The following SLCO3A1 variants were observed in gnomAD, a reference collection of about 807,000 sequenced individuals.
SLCO3A1 encodes the protein solute carrier organic anion transporter family member 3A1, also known as PGE1 transporter.
SLCO3A1 carries 27 observed loss-of-function variants against 63.1 expected under a neutral mutation model. The observed-to-expected ratio is 0.43, with a 90% CI of 0.32 to 0.59. The LOEUF (loss-of-function observed/expected upper bound fraction) is 0.59, where lower values mean the gene tolerates loss of function less well. Ranked by LOEUF, SLCO3A1 falls within the 20% of genes least tolerant of loss-of-function variation. The pLI is 0.09. For synonymous variants in SLCO3A1, 473 were observed against 409.9 expected (o/e 1.15, Z -1.86); for missense variants, 773 against 945.8 (o/e 0.82, Z 2.40).
chr15:91,883,450 T>C lies in SLCO3A1; in HGVS notation c.180+29362T>C, dbSNP rs1360680184. ...CTGACTGGTTCTCTTGCTCTGAGGC[T>C]GGGGCTCCCCGGAGGGATGTACCTC... is the stretch of plus-strand genomic sequence containing the variant. On this transcript the variant is annotated intron_variant, in intron 1 of 9. Coordinates refer to ENST00000318445, the MANE Select transcript of SLCO3A1 (RefSeq NM_013272.4). This position sits in a 1 kb window ranked among gnomAD's most constrained non-coding sequence, Gnocchi z 4.8. Among the ~76,000 whole-genome samples, 1 of 152,202 alleles carries C rather than the reference T, an allele frequency of 6.6e-6. No individual in the cohort carries two copies. The highest frequency in any genetic ancestry group is 1.5e-5 in the Non-Finnish European group (1 of 68,022).
intron 2 of SLCO3A1, among the ~76,000 whole-genome samples, chr15:92,009,897 A>G (rs1390710578): frequency 2.0e-5 from 3 of 152,168 alleles, no homozygotes; most frequent in Non-Finnish European, 2.9e-5. Context: ...CATTCATCCA[A>G]TAGAGGCATT....
At chr15:92,010,816 T>C (rs2046360822) in intron 2 of SLCO3A1, among the ~76,000 whole-genome samples, 1 of 152,106 alleles carries the variant, frequency 6.6e-6, no homozygotes, top group Non-Finnish European at 1.5e-5. Context: ...GCCCTGATTG[T>C]TTTCACAACT....
intron 1 of SLCO3A1, among the ~76,000 whole-genome samples, chr15:91,906,040 A>G (rs560703513): frequency 2.5e-4 from 38 of 152,322 alleles, no homozygotes; most frequent in Admixed American, 2.1e-3. Flanking sequence ...GCTGCGTGGC[A>G]TCAATGGGAT....
In SLCO3A1 at chr15:91,856,876, G is replaced by C. The variant is rs1896932686; in HGVS notation, c.180+2788G>C. Among the ~76,000 whole-genome samples, 1 of 152,036 alleles carries C rather than the reference G, an allele frequency of 6.6e-6. No homozygotes were observed. The highest frequency in any genetic ancestry group is 2.1e-4 in the South Asian group (1 of 4,808). Reference sequence around the variant, plus strand: ...TCCACCTTCTTATTTCATCTCCCCAGGTGCCTTAAAATATTGCAGTTTCAT... The same window carrying C: ...TCCACCTTCTTATTTCATCTCCCCACGTGCCTTAAAATATTGCAGTTTCAT... On this transcript the variant is annotated intron_variant, in intron 1 of 9. Transcript: ENST00000318445. This position sits in a 1 kb window ranked among gnomAD's most constrained non-coding sequence, Gnocchi z 4.9.
downstream of SLCO3A1, among the ~76,000 whole-genome samples, chr15:92,169,761 A>C (rs1232069707): frequency 6.6e-6 from 1 of 152,124 alleles, no homozygotes; most frequent in Non-Finnish European, 1.5e-5. Context: ...AAACACACCG[A>C]AGCTGGTCCC....
rs113777499 is a variant in SLCO3A1, at chr15:92,088,033, G to A, written c.647-6848G>A. Among the ~76,000 whole-genome samples, 529 of 152,288 alleles carry A rather than the reference G, an allele frequency of 3.5e-3. 4 individuals are homozygous for A. Among genetic ancestry groups the A allele is most frequent in the African/African-American group, 0.012 (506 of 41,552 alleles). On this transcript the variant is annotated intron_variant, in intron 2 of 9. Transcript: ENST00000318445. ...GTCCACAGCACAGACAGAGACATCT[G>A]CAGAGGGACTTGGGGAAAGAGCACT...
chr15:91,969,302 T>C (rs545901891), intron 2 of SLCO3A1, among the ~76,000 whole-genome samples: 1 of 146,538 alleles, frequency 6.8e-6, no homozygotes, highest in East Asian at 2.0e-4. Flanking sequence ...TTTGTCTGTA[T>C]ATATATAATT....
chr15:91,954,075 C>T lies in SLCO3A1; in HGVS notation c.646+37617C>T, dbSNP rs1276181882. Among the ~76,000 whole-genome samples the T allele has an allele frequency of 6.6e-6, 1 of 152,134 alleles. No homozygotes were observed. Among genetic ancestry groups the T allele is most frequent in the African/African-American group, 2.4e-5 (1 of 41,434 alleles). On this transcript the variant is annotated intron_variant, in intron 2 of 9. Coordinates refer to ENST00000318445, the MANE Select transcript of SLCO3A1 (RefSeq NM_013272.4). This position sits in a 1 kb window ranked among gnomAD's most constrained non-coding sequence, Gnocchi z 4.7. ...AGGTGTGTGTTCTGTTAGCCATGGG[C>T]GATGTCTTCACAGAGCATGTAGAAA...
chr15:92,092,661 C>A (rs1188815961), intron 2 of SLCO3A1, among the ~76,000 whole-genome samples: 1 of 152,136 alleles, frequency 6.6e-6, no homozygotes, highest in African/African-American at 2.4e-5. Context: ...CCCTCTACTT[C>A]CTGCTGCTTT....
chr15:92,028,946 C>CGTGTGTGTGTGTGTGTGTGTGTGTGT (rs1555425656), intron 2 of SLCO3A1, among the ~76,000 whole-genome samples: 2 of 23,874 alleles, frequency 8.4e-5, no homozygotes, highest in South Asian at 1.4e-3. Context: ...TGTGTGTGTA[C>CGTGTGTGTGTGTGTGTGTGTGTGTGT]GTACATGAGA....
chr15:92,035,953 G>A (rs1020931480), intron 2 of SLCO3A1, among the ~76,000 whole-genome samples: 3 of 148,222 alleles, frequency 2.0e-5, no homozygotes, highest in Non-Finnish European at 4.6e-5. Flanking sequence ...GCACTGCCTA[G>A]TGTAGACTCT....
At chr15:91,982,302 C>T (rs944435566) in intron 2 of SLCO3A1, among the ~76,000 whole-genome samples, 2 of 152,246 alleles carry the variant, frequency 1.3e-5, no homozygotes, top group Non-Finnish European at 2.9e-5. Flanking sequence ...GCTTAGCCCA[C>T]ACTGGAGTGT....
At chr15:92,094,779 A>T in intron 2 of SLCO3A1, 102 bp from the exon 3 acceptor site, 1 of 723,122 alleles carries the variant, frequency 1.4e-6, no homozygotes, top group Non-Finnish European at 2.4e-6. Context: ...TCCTAATGTC[A>T]TCTCATCTCA....
rs1273830466 is a variant in SLCO3A1 at position 91,947,543 on chromosome 15, A to T, written c.646+31085A>T. ...TTAAATCCTTCTAGGTCTTGAGATG[A>T]TGACACTAGGAGCCTGGTCATTGTG... On this transcript the variant is annotated intron_variant, in intron 2 of 9. Transcript: ENST00000318445. 5.3e-5 allele frequency among the ~76,000 whole-genome samples: 8 copies of T among 152,280 alleles called. No homozygotes were observed. The East Asian group carries it at 1.2e-3, about 22-fold the overall frequency.
At chr15:92,050,030 G>T (rs2046938211) in intron 2 of SLCO3A1, among the ~76,000 whole-genome samples, 1 of 152,212 alleles carries the variant, frequency 6.6e-6, no homozygotes, top group Non-Finnish European at 1.5e-5. Flanking sequence ...CCCTAGTGCT[G>T]TCTGAGATGT....
rs540160756 is a variant in SLCO3A1, at chr15:92,000,661, A to AT, written c.646+84205dup. ...TTATACTAATTTAATTATTTTCTGT[A>AT]TTATTGTGTTTAAAAGGCTTCGTTG... On this transcript the variant is annotated intron_variant, in intron 2 of 9. Transcript: ENST00000318445. Among the ~76,000 whole-genome samples, 21 of 152,320 alleles carry AT rather than the reference A, an allele frequency of 1.4e-4. No homozygotes were observed. The South Asian group carries it at 3.9e-3, about 29-fold the overall frequency.
At chr15:92,104,076 G>C (rs115258380) in intron 3 of SLCO3A1, among the ~76,000 whole-genome samples, 1 of 152,162 alleles carries the variant, frequency 6.6e-6, no homozygotes, top group African/African-American at 2.4e-5. Flanking sequence ...AATTAAGGGG[G>C]GAATGTGATC....
intron 2 of SLCO3A1, among the ~76,000 whole-genome samples, chr15:92,023,897 G>A (rs1266028622): frequency 6.6e-6 from 1 of 152,166 alleles, no homozygotes; most frequent in African/African-American, 2.4e-5. Flanking sequence ...TTTGAGCTCC[G>A]TCTCAAGGGG....
chr15:91,864,720 G>T (rs1005528683), intron 1 of SLCO3A1, among the ~76,000 whole-genome samples: 21 of 152,200 alleles, frequency 1.4e-4, no homozygotes, highest in African/African-American at 3.4e-4. Context: ...ACTATTTTGT[G>T]TGACAAGTGA....
Sources: gnomAD v4.1 joint callset for allele counts (sites outside exome capture counted in the v4.1 genomes callset) on GRCh38, gnomAD v4.1.1 for gene constraint, Gnocchi (gnomAD v3.1) non-coding constraint, MANE v1.5 for transcripts, NCBI Gene and HGNC (gene_info 2026-07-23, HGNC 2026-07-21) for gene names.